ATF6: variants seen among roughly 807,000 people sequenced by gnomAD.
The protein encoded by ATF6 is activating transcription factor 6.
Under a neutral mutation model 83.6 loss-of-function variants are expected in ATF6, and 53 were observed. The ratio of observed to expected loss-of-function variants is 0.63; its 90% CI spans 0.51 to 0.80. The LOEUF is 0.80. Among genes scored for constraint, ATF6 ranks in the 30% least tolerant of loss-of-function variants. ATF6 has a pLI of 0.00. For synonymous variants in ATF6, 288 were observed against 285.8 expected, an observed-to-expected ratio of 1.01 and a Z score of -0.08; for missense variants, 744 against 797.9, an observed-to-expected ratio of 0.93 and a Z score of 0.81.
At chr1:161,940,946 G>GT (rs1688631220) in intron 15 of ATF6, among the ~76,000 whole-genome samples, 1 of 152,098 alleles carries the variant, frequency 6.6e-6, no homozygotes, top group Non-Finnish European at 1.5e-5. Flanking sequence ...ATGCATACCC[G>GT]TATCACACCT....
intron 9 of ATF6, among the ~76,000 whole-genome samples, chr1:161,838,576 G>C (rs1295888160): frequency 6.6e-6 from 1 of 152,148 alleles, no homozygotes; most frequent in African/African-American, 2.4e-5. Context: ...TGTGGGCCAG[G>C]GTTCTTGGTT....
At chr1:161,886,331 C>T (rs889248319) in intron 14 of ATF6, among the ~76,000 whole-genome samples, 1 of 152,190 alleles carries the variant, frequency 6.6e-6, no homozygotes, top group Non-Finnish European at 1.5e-5. Flanking sequence ...TCCTGTTAAA[C>T]GAAGAAATTT....
At chr1:161,939,960 A>G (rs1688612410) in intron 15 of ATF6, among the ~76,000 whole-genome samples, 1 of 152,208 alleles carries the variant, frequency 6.6e-6, no homozygotes. Context: ...CATGGCTTTA[A>G]ATACTATCTA....
At chr1:161,828,870 T>C (rs1329723007) in intron 9 of ATF6, among the ~76,000 whole-genome samples, 3 of 152,114 alleles carry the variant, frequency 2.0e-5, no homozygotes, top group Non-Finnish European at 4.4e-5. Context: ...AAAGTGTCCA[T>C]CCTAGAAAAA....
chr1:161,855,865 G>A (rs12080334), intron 12 of ATF6, among the ~76,000 whole-genome samples: 2,443 of 152,294 alleles, frequency 0.016, 68 homozygotes, highest in African/African-American at 0.056. Context: ...AGTGACCTTC[G>A]TGAAAGTTCT....
intron 9 of ATF6, among the ~76,000 whole-genome samples, chr1:161,834,784 T>G (rs1223524748): frequency 1.3e-5 from 2 of 151,686 alleles, no homozygotes; most frequent in South Asian, 2.1e-4. Context: ...ATAATAATAA[T>G]AACAAAACAA....
chr1:161,829,584 C>T (rs1685996094), intron 9 of ATF6, among the ~76,000 whole-genome samples: 1 of 152,094 alleles, frequency 6.6e-6, no homozygotes. Flanking sequence ...AATCTAGCAA[C>T]ATATCAAAAA....
chr1:161,852,431 C>G (rs1686653867), intron 11 of ATF6, among the ~76,000 whole-genome samples: 1 of 151,802 alleles, frequency 6.6e-6, no homozygotes, highest in Non-Finnish European at 1.5e-5. Context: ...TTTTTTTTTA[C>G]CCCAGGCAAT....
chr1:161,909,148 G>A (rs1687936841), intron 14 of ATF6, among the ~76,000 whole-genome samples: 1 of 152,182 alleles, frequency 6.6e-6, no homozygotes, highest in South Asian at 2.1e-4. Context: ...TCATGTATAA[G>A]TTTCAGAGAT....
intron 9 of ATF6, among the ~76,000 whole-genome samples, chr1:161,837,432 C>G (rs1215530942): frequency 6.6e-6 from 1 of 152,114 alleles, no homozygotes; most frequent in African/African-American, 2.4e-5. Context: ...TCTGTGTGTT[C>G]TGAACATAAA....
At chr1:161,827,230 CTGT>C (rs765936739) in intron 9 of ATF6, among the ~76,000 whole-genome samples, 15 of 152,122 alleles carry the variant, frequency 9.9e-5, no homozygotes. Context: ...TGCGCCTGGC[CTGT>C]TTTCAGTCTT....
chr1:161,925,016 T>A (rs1688283359), intron 15 of ATF6, among the ~76,000 whole-genome samples: 1 of 152,246 alleles, frequency 6.6e-6, no homozygotes, highest in Admixed American at 6.5e-5. Context: ...AAATTGTTCC[T>A]TTTCTGTCTC....
chr1:161,899,740 T>C (rs529028111), intron 14 of ATF6, among the ~76,000 whole-genome samples: 2 of 152,288 alleles, frequency 1.3e-5, no homozygotes, highest in East Asian at 1.9e-4. Context: ...GGTGGAAATT[T>C]TTCTCTGCTA....
rs751214915 is a variant in ATF6 at position 161,851,839 on chromosome 1, A to G, written c.1433+4A>G. Reference sequence around the variant, plus strand: ...TTAACACAACAGAGTCTCTCAGGTGAGTGTTGTAGATTATTGCAGAAACAT... The same window carrying G: ...TTAACACAACAGAGTCTCTCAGGTGGGTGTTGTAGATTATTGCAGAAACAT... On this transcript the variant is annotated splice_donor_region_variant and intron_variant, in intron 11 of 15. Coordinates refer to ENST00000367942, the MANE Select transcript of ATF6 (RefSeq NM_007348.4). 1 of 1,601,258 alleles carries G rather than the reference A, an allele frequency of 6.2e-7. No homozygotes were observed. The highest frequency in any genetic ancestry group is 1.1e-5 in the South Asian group (1 of 90,434).
intron 14 of ATF6, among the ~76,000 whole-genome samples, chr1:161,870,275 T>C (rs1436492833): frequency 2.0e-5 from 3 of 151,832 alleles, no homozygotes; most frequent in African/African-American, 7.2e-5. Flanking sequence ...AGATTATGCT[T>C]TCATAATGCT....
intron 15 of ATF6, among the ~76,000 whole-genome samples, chr1:161,938,848 A>G (rs1191666598): frequency 6.6e-6 from 1 of 152,164 alleles, no homozygotes; most frequent in Non-Finnish European, 1.5e-5. Context: ...TTTTAGTAAA[A>G]CTTTTCATTG....
At position 161,958,595 on chromosome 1, in the gene ATF6, C is replaced by T. The variant is rs757919002; in HGVS notation, c.1954C>T (p.Pro652Ser). ...RNQTNTFFGS[P>S]PAATEATHVV... ...TCAAACCAACACCTTCTTTGGCTCC[C>T]CTCCCGCAGCCACAGAGGCAACCCA... Residue 652 changes from proline to serine, a missense_variant, in exon 16 of 16, where the codon CCT (proline) becomes TCT (serine). Transcript: ENST00000367942. The T allele has an allele frequency of 7.3e-5, 118 of 1,613,886 alleles. No individual in the cohort carries two copies. The highest frequency in any genetic ancestry group is 2.3e-4 in the Admixed American group (14 of 59,996).
chr1:161,885,160 T>G (rs932273481), intron 14 of ATF6, among the ~76,000 whole-genome samples: 2 of 152,176 alleles, frequency 1.3e-5, no homozygotes, highest in African/African-American at 2.4e-5. Context: ...CTGTAGAAGT[T>G]TTATGCTTAG....
chr1:161,963,634 T>C lies in ATF6; in HGVS notation c.*4980T>C, dbSNP rs568431101. The C allele has an allele frequency of 6.6e-6, 1 of 152,314 alleles. No homozygotes were observed. The highest frequency in any genetic ancestry group is 2.4e-5 in the African/African-American group (1 of 41,560). The allele number at this position is 152,314 out of a possible 1,614,324, so 9.4% of individuals were successfully genotyped here. A position where few individuals can be genotyped will look rare whatever the true frequency, so the allele number is the denominator to read the frequency against. ...ATTAGTAGGTTGACTTTCACAGCAA[T>C]TGTATATTGATCCATTTTAACTCAT... is the stretch of plus-strand genomic sequence containing the variant. On this transcript the variant is annotated 3_prime_UTR_variant, in exon 16 of 16. Coordinates refer to ENST00000367942, the MANE Select transcript of ATF6 (RefSeq NM_007348.4).
Sources: gnomAD v4.1 joint callset for allele counts (sites outside exome capture counted in the v4.1 genomes callset) on GRCh38, gnomAD v4.1.1 for gene constraint, MANE v1.5 for transcripts, NCBI Gene and HGNC (gene_info 2026-07-23, HGNC 2026-07-21) for gene names.